The following UBAP1L variants were observed in gnomAD, a reference collection of about 807,000 sequenced individuals.
UBAP1L encodes the protein ubiquitin-associated protein 1-like.
Under a neutral mutation model 32.1 loss-of-function variants are expected in UBAP1L, and 32 were observed. The ratio of observed to expected loss-of-function variants is 1.00; its 90% CI spans 0.75 to 1.34. The LOEUF (loss-of-function observed/expected upper bound fraction) is 1.34, where lower values mean the gene tolerates loss of function less well. Among genes scored for constraint, UBAP1L ranks in the 40% most tolerant of loss-of-function variants. The probability of loss-of-function intolerance (pLI) is 0.00; values close to 1 mark genes in which losing one functional copy is unlikely to be tolerated. For synonymous variants in UBAP1L, 243 were observed against 250.2 expected, an observed-to-expected ratio of 0.97 and a Z score of 0.27; for missense variants, 516 against 540.5, an observed-to-expected ratio of 0.95 and a Z score of 0.45.
intron 2 of UBAP1L, among the ~76,000 whole-genome samples, chr15:65,104,685 G>C (rs1196039281): frequency 2.0e-5 from 3 of 152,188 alleles, no homozygotes; most frequent in African/African-American, 7.2e-5. Flanking sequence ...AGTCCACCTG[G>C]GCAACATAGT....
chr15:65,114,032 A>G (rs899814966), intron 1 of UBAP1L, among the ~76,000 whole-genome samples: 15 of 151,996 alleles, frequency 9.9e-5, no homozygotes, highest in African/African-American at 3.4e-4. Context: ...GATTACAAGC[A>G]CCTGCCACCA....
intron 1 of UBAP1L, among the ~76,000 whole-genome samples, chr15:65,109,693 C>T (rs182204620): frequency 8.5e-5 from 13 of 152,124 alleles, no homozygotes; most frequent in African/African-American, 2.9e-4. Flanking sequence ...AAGAGGATAT[C>T]CAAATAGCCA....
intron 1 of UBAP1L, among the ~76,000 whole-genome samples, chr15:65,108,073 T>C (rs2087336469): frequency 6.6e-6 from 1 of 152,058 alleles, no homozygotes; most frequent in African/African-American, 2.4e-5. Context: ...AGTGGAAGAC[T>C]TTCACTATCA....
In UBAP1L at chr15:65,102,787, G is replaced by T; in HGVS notation, c.121-103C>A. On this transcript the variant is annotated intron_variant, in intron 2 of 5. Coordinates refer to ENST00000559089, the MANE Select transcript of UBAP1L (RefSeq NM_001163692.2). This position sits in a 1 kb window ranked among gnomAD's most constrained non-coding sequence, Gnocchi z 5.0. ...CCCTGTTCAGCCAGAGACTCTCTAA[G>T]CCTGGACAGCGTCAGATTCTGAGCC... 9.3e-7 allele frequency: 1 copy of T among 1,072,590 alleles called. No homozygotes were observed. Among genetic ancestry groups the T allele is most frequent in the Non-Finnish European group, 1.3e-6 (1 of 772,014 alleles). The allele number at this position is 1,072,590 out of a possible 1,614,324, so 66.4% of individuals were successfully genotyped here. A position where few individuals can be genotyped will look rare whatever the true frequency, so the allele number is the denominator to read the frequency against.
At chr15:65,111,261 G>T (rs756131236) in intron 1 of UBAP1L, among the ~76,000 whole-genome samples, 1 of 152,182 alleles carries the variant, frequency 6.6e-6, no homozygotes, top group Non-Finnish European at 1.5e-5. Flanking sequence ...GGAAAGTTCA[G>T]CAAGTTTTGG....
At chr15:65,114,822 T>G (rs2087392516) in intron 1 of UBAP1L, among the ~76,000 whole-genome samples, 1 of 152,218 alleles carries the variant, frequency 6.6e-6, no homozygotes, top group Admixed American at 6.5e-5. Flanking sequence ...TAATCTTTGC[T>G]TTGGAGGCTA....
At chr15:65,099,446 T>G (rs576480590) in intron 4 of UBAP1L, 59 bp downstream of exon 4, 1 of 1,511,550 alleles carries the variant, frequency 6.6e-7, no homozygotes, top group Non-Finnish European at 8.9e-7. Context: ...GTGAAAATCA[T>G]GTGGCCACTC....
intron 4 of UBAP1L, chr15:65,095,286 C>T (rs2087160147): frequency 6.6e-6 from 1 of 152,556 alleles, no homozygotes; most frequent in African/African-American, 2.4e-5. Context: ...AGGCTGGCCT[C>T]CTTCCCTGTC....
Position 65,102,572 on chromosome 15 carries a change from A to G in UBAP1L, c.233T>C (p.Leu78Pro). The change falls in exon 3 of 6, where the codon CTC becomes CCC. Residue 78 changes from leucine (L) to proline (P), a missense_variant. Leu to Pro is a moderately conservative substitution (Grantham distance 98, BLOSUM62 -3). Coordinates refer to ENST00000559089, the MANE Select transcript of UBAP1L (RefSeq NM_001163692.2). The surrounding 1 kb of genome is among the most constrained non-coding windows in gnomAD (Gnocchi z 5.0). Reference sequence around the variant, plus strand: ...CCCATGTTCGGGGCTGACTAGCAAGAGCCAGGCTGGAGGGGCTGACGCTGT... The same window carrying G: ...CCCATGTTCGGGGCTGACTAGCAAGGGCCAGGCTGGAGGGGCTGACGCTGT... Reference protein sequence around the residue: ...PGTASAPPAWLLLVSPEHGLA... With the variant: ...PGTASAPPAWPLLVSPEHGLA... The G allele has an allele frequency of 6.5e-7, 1 of 1,543,884 alleles. No homozygotes were observed. The highest frequency in any genetic ancestry group is 8.7e-7 in the Non-Finnish European group (1 of 1,144,280).
intron 2 of UBAP1L, chr15:65,104,839 C>G: frequency 3.1e-6 from 1 of 325,858 alleles, no homozygotes; most frequent in South Asian, 2.3e-5. Context: ...AACCCCATCT[C>G]TACTAAAAAT....
chr15:65,106,398 G>A lies in UBAP1L; in HGVS notation c.-173-10C>T. 1 of 568,006 alleles carries A rather than the reference G, an allele frequency of 1.8e-6. No homozygotes were observed. Among genetic ancestry groups the A allele is most frequent in the Non-Finnish European group, 2.9e-6 (1 of 349,288 alleles). The allele number at this position is 568,006 out of a possible 1,614,324, so 35.2% of individuals were successfully genotyped here. ...GGTGAGGGGGCCAGTGCTGCATAAA[G>A]GAAGGAAATGAATAAAAACAAGAGC... On this transcript the variant is annotated splice_polypyrimidine_tract_variant and intron_variant, in intron 1 of 5. Coordinates refer to ENST00000559089, the MANE Select transcript of UBAP1L (RefSeq NM_001163692.2).
intron 1 of UBAP1L, among the ~76,000 whole-genome samples, chr15:65,111,744 C>T (rs1026790464): frequency 5.3e-5 from 8 of 151,974 alleles, no homozygotes; most frequent in African/African-American, 1.9e-4. Context: ...CTTGACTTCC[C>T]AAAGTGCTGA....
At chr15:65,097,763 G>C (rs1377241629) in intron 4 of UBAP1L, 1 of 152,192 alleles carries the variant, frequency 6.6e-6, no homozygotes, top group Non-Finnish European at 1.5e-5. Context: ...ACCCAGAGTA[G>C]AGTAGAAGCA....
chr15:65,103,430 C>A (rs143518085), intron 2 of UBAP1L, among the ~76,000 whole-genome samples: 81 of 152,274 alleles, frequency 5.3e-4, no homozygotes, highest in Non-Finnish European at 9.4e-4. Context: ...GCAAAAATGA[C>A]ATATTCCTGT....
Position 65,102,210 on chromosome 15 carries a change from G to T in UBAP1L, c.595C>A (p.Pro199Thr), listed in dbSNP as rs2087249133. The T allele has an allele frequency of 8.3e-7, 1 of 1,209,570 alleles. No individual in the cohort carries two copies. The highest frequency in any genetic ancestry group is 1.0e-6 in the Non-Finnish European group (1 of 973,658). 74.9% of individuals were successfully genotyped at this position (1,209,570 alleles called of 1,614,324 possible). A position where few individuals can be genotyped will look rare whatever the true frequency, so the allele number is the denominator to read the frequency against. Residue 199 changes from proline (P) to threonine (T), a missense_variant, in exon 3 of 6, where the codon CCC becomes ACC. Transcript: ENST00000559089. The surrounding 1 kb of genome is among the most constrained non-coding windows in gnomAD (Gnocchi z 5.0). ...GGGTGCTGGGGCGCGGGCCCCGGGG[G>T]TGATGCAGACCTGGGGGACTGCGCA... ...SPAQSPRSAS[P>T]PGPAPQHPAA...
intron 2 of UBAP1L, among the ~76,000 whole-genome samples, chr15:65,103,377 G>A (rs1306408936): frequency 6.6e-6 from 1 of 152,086 alleles, no homozygotes; most frequent in African/African-American, 2.4e-5. Flanking sequence ...AAAGCAATCT[G>A]GAGTCCACAT....
At chr15:65,108,051 G>A (rs2087336178) in intron 1 of UBAP1L, among the ~76,000 whole-genome samples, 1 of 151,936 alleles carries the variant, frequency 6.6e-6, no homozygotes, top group Admixed American at 6.6e-5. Flanking sequence ...GAGACTCTTG[G>A]AGAAGCAACA....
At chr15:65,114,523 T>C (rs1055556468) in intron 1 of UBAP1L, among the ~76,000 whole-genome samples, 1 of 152,220 alleles carries the variant, frequency 6.6e-6, no homozygotes, top group Non-Finnish European at 1.5e-5. Context: ...GGCTGATAAG[T>C]ACTTTTCCTT....
chr15:65,105,983 G>T (rs2087305496), intron 2 of UBAP1L, 113 bp downstream of exon 2: 1 of 1,434,164 alleles, frequency 7.0e-7, no homozygotes, highest in Non-Finnish European at 9.4e-7. Context: ...GTAGATACGG[G>T]GTTTCACCAT....
Sources: allele counts gnomAD v4.1 joint callset (sites outside exome capture counted in the v4.1 genomes callset), GRCh38; gene constraint gnomAD v4.1.1; non-coding constraint Gnocchi (gnomAD v3.1); transcripts MANE v1.5; gene names NCBI Gene and HGNC (gene_info 2026-07-23, HGNC 2026-07-21).